ARHGEF26: variants seen among roughly 807,000 people sequenced by gnomAD.
The protein encoded by ARHGEF26 is Rho guanine nucleotide exchange factor 26, also known as Rho guanine nucleotide exchange factor (GEF) 26.
Under a neutral mutation model 89.4 loss-of-function variants are expected in ARHGEF26, and 59 were observed. The ratio of observed to expected loss-of-function variants is 0.66; its 90% confidence interval spans 0.54 to 0.82. ARHGEF26 has a LOEUF of 0.82. Ranked by LOEUF, ARHGEF26 falls within the 40% of genes least tolerant of loss-of-function variation. ARHGEF26 has a pLI of 0.00. For missense variants in ARHGEF26, 1,234 were observed against 1,085.6 expected (o/e 1.14, Z -1.92); for synonymous variants, 500 against 428.4 (o/e 1.17, Z -2.06).
chr3:154,229,698 C>T (rs903031033), intron 11 of ARHGEF26, among the ~76,000 whole-genome samples: 7 of 152,186 alleles, frequency 4.6e-5, no homozygotes. Flanking sequence ...ACCCTAGTTG[C>T]GACAACCAAA....
intron 6 of ARHGEF26, among the ~76,000 whole-genome samples, chr3:154,183,977 C>CTTTTTTTTTTTTT (rs548153454): frequency 2.5e-4 from 35 of 140,312 alleles, no homozygotes; most frequent in African/African-American, 5.4e-4. Context: ...AATTTTCTTT[C>CTTTTTTTTTTTTT]TTTTTTTTTT....
chr3:154,174,714 C>G (rs758442623), intron 6 of ARHGEF26, among the ~76,000 whole-genome samples: 1 of 151,780 alleles, frequency 6.6e-6, no homozygotes, highest in Non-Finnish European at 1.5e-5. Flanking sequence ...ATTAGAGCAC[C>G]TAAAGGATCA....
intron 11 of ARHGEF26, among the ~76,000 whole-genome samples, chr3:154,227,448 A>AT (rs1384448170): frequency 6.6e-6 from 1 of 151,556 alleles, no homozygotes; most frequent in Non-Finnish European, 1.5e-5. Context: ...CACCCAGCTA[A>AT]TTTTTTGTAT....
intron 6 of ARHGEF26, among the ~76,000 whole-genome samples, chr3:154,176,923 C>A (rs1463294259): frequency 6.6e-6 from 1 of 152,170 alleles, no homozygotes; most frequent in Non-Finnish European, 1.5e-5. Flanking sequence ...AAATTATAGG[C>A]ATACACCTCT....
At chr3:154,249,070 G>T (rs2108296514) in intron 12 of ARHGEF26, among the ~76,000 whole-genome samples, 1 of 152,264 alleles carries the variant, frequency 6.6e-6, no homozygotes, top group East Asian at 1.9e-4. Context: ...AACACAAAAG[G>T]TAACTGGTCA....
intron 9 of ARHGEF26, among the ~76,000 whole-genome samples, chr3:154,214,889 A>T (rs995984119): frequency 2.0e-5 from 3 of 152,216 alleles, no homozygotes; most frequent in African/African-American, 7.2e-5. Flanking sequence ...CAGTGAACTC[A>T]CAGGCCACAG....
chr3:154,126,792 T>C (rs2313175), intron 3 of ARHGEF26, among the ~76,000 whole-genome samples: 1 of 152,210 alleles, frequency 6.6e-6, no homozygotes, highest in Non-Finnish European at 1.5e-5. Context: ...GATACAGCCA[T>C]GCATCACTTA....
At chr3:154,209,798 G>T (rs971702026) in intron 9 of ARHGEF26, among the ~76,000 whole-genome samples, 1 of 152,198 alleles carries the variant, frequency 6.6e-6, no homozygotes. Context: ...ACAGTCAGTC[G>T]ACGGCAAAGC....
intron 9 of ARHGEF26, among the ~76,000 whole-genome samples, chr3:154,196,903 T>G (rs1215404792): frequency 6.6e-6 from 1 of 152,050 alleles, no homozygotes; most frequent in Non-Finnish European, 1.5e-5. Flanking sequence ...AAAAAGAATT[T>G]GCACAGAGAA....
At chr3:154,234,632 A>G (rs546236652) in intron 11 of ARHGEF26, among the ~76,000 whole-genome samples, 4 of 152,326 alleles carry the variant, frequency 2.6e-5, no homozygotes, top group African/African-American at 7.2e-5. Flanking sequence ...TGTCACCTCT[A>G]TATCCCCAGA....
chr3:154,192,928 C>T (rs1177592195), intron 8 of ARHGEF26, among the ~76,000 whole-genome samples: 12 of 151,952 alleles, frequency 7.9e-5, no homozygotes, highest in Admixed American at 7.9e-4. Context: ...CTTTTATATC[C>T]TCTTTAAATT....
intron 12 of ARHGEF26, among the ~76,000 whole-genome samples, chr3:154,247,680 T>G (rs1458521530): frequency 6.6e-6 from 1 of 152,248 alleles, no homozygotes; most frequent in Admixed American, 6.5e-5. Context: ...GCTTCCTGTC[T>G]CTATTTACTG....
In ARHGEF26 at chr3:154,255,799, C is replaced by T. The variant is rs536082430; in HGVS notation, c.*326C>T. On this transcript the variant is annotated 3_prime_UTR_variant, in exon 15 of 15. Coordinates refer to ENST00000465093, the MANE Select transcript of ARHGEF26 (RefSeq NM_015595.4). ...GGCAATAAAAAACACATATTATATCCTGGTTTTCTCTATCCTTGCATTACT... is the reference window on the plus strand; with the variant it reads ...GGCAATAAAAAACACATATTATATCTTGGTTTTCTCTATCCTTGCATTACT... The T allele has an allele frequency of 2.1e-4, 230 of 1,090,518 alleles. No individual in the cohort carries two copies. Among genetic ancestry groups the T allele is most frequent in the Non-Finnish European group, 2.4e-4 (212 of 898,060 alleles). 67.6% of individuals were successfully genotyped at this position (1,090,518 alleles called of 1,614,324 possible).
intron 9 of ARHGEF26, among the ~76,000 whole-genome samples, chr3:154,204,980 G>A (rs1366327566): frequency 1.3e-5 from 2 of 152,196 alleles, no homozygotes; most frequent in South Asian, 4.1e-4. Context: ...GTATTTTATA[G>A]CTCCTGGATG....
chr3:154,225,038 G>A (rs935533789), intron 10 of ARHGEF26, among the ~76,000 whole-genome samples: 1 of 145,008 alleles, frequency 6.9e-6, no homozygotes, highest in African/African-American at 2.6e-5. Context: ...AGTTTTGGCA[G>A]TAAACATTTC....
intron 11 of ARHGEF26, among the ~76,000 whole-genome samples, chr3:154,234,008 G>A (rs922108798): frequency 1.3e-5 from 2 of 152,216 alleles, no homozygotes; most frequent in African/African-American, 2.4e-5. Context: ...AAAATCATAT[G>A]AATATCAATG....
chr3:154,204,281 T>TCTA (rs755591328), intron 9 of ARHGEF26, among the ~76,000 whole-genome samples: 7 of 150,362 alleles, frequency 4.7e-5, no homozygotes, highest in Non-Finnish European at 8.9e-5. Context: ...TTATTTGTTT[T>TCTA]CTACCAATTT....
chr3:154,142,676 A>G (rs1330768658), intron 4 of ARHGEF26, among the ~76,000 whole-genome samples: 1 of 152,212 alleles, frequency 6.6e-6, no homozygotes, highest in Middle Eastern at 3.2e-3. Context: ...AATAGCAACT[A>G]ATATATTGGC....
chr3:154,141,686 G>T (rs1719395295), intron 4 of ARHGEF26, among the ~76,000 whole-genome samples: 1 of 152,196 alleles, frequency 6.6e-6, no homozygotes, highest in Non-Finnish European at 1.5e-5. Context: ...CAGTATGTGT[G>T]TCTGAATGTG....
Sources: allele counts gnomAD v4.1 joint callset (sites outside exome capture counted in the v4.1 genomes callset), GRCh38; gene constraint gnomAD v4.1.1; transcripts MANE v1.5; gene names NCBI Gene and HGNC (gene_info 2026-07-23, HGNC 2026-07-21).